The following WWOX variants were observed in gnomAD, a reference collection of about 807,000 sequenced individuals.
The protein encoded by WWOX is WW domain containing oxidoreductase, also known as WW domain-containing oxidoreductase.
WWOX carries 69 observed loss-of-function variants against 46.2 expected under a neutral mutation model. That is an observed-to-expected ratio of 1.49 (90% CI 1.23 to 1.82). WWOX has a LOEUF of 1.82. Ranked by LOEUF, WWOX falls within the 40% of genes most tolerant of loss-of-function variation. The pLI, the probability that WWOX is intolerant of heterozygous loss-of-function variation, is 0.00. For synonymous variants in WWOX, 359 were observed against 202.6 expected, an observed-to-expected ratio of 1.77 and a Z score of -6.56; for missense variants, 919 against 542.6, an observed-to-expected ratio of 1.69 and a Z score of -6.89.
chr16:78,135,195 C>G (rs147248707), intron 4 of WWOX, among the ~76,000 whole-genome samples: 2 of 152,218 alleles, frequency 1.3e-5, no homozygotes, highest in African/African-American at 4.8e-5. Flanking sequence ...CGTGCAACAA[C>G]TCAAGAGTCG....
At chr16:78,162,103 C>G (rs1466446244) in intron 4 of WWOX, among the ~76,000 whole-genome samples, 1 of 152,178 alleles carries the variant, frequency 6.6e-6, no homozygotes, top group East Asian at 1.9e-4. Context: ...TTTAGTGTTT[C>G]CTCTAGTGTG....
chr16:78,312,198 C>G (rs1370959128), intron 5 of WWOX, among the ~76,000 whole-genome samples: 2 of 152,118 alleles, frequency 1.3e-5, no homozygotes, highest in African/African-American at 4.8e-5. Flanking sequence ...AAACCTAATT[C>G]TATCTGCAAC....
chr16:79,170,330 G>T (rs536713357), intron 8 of WWOX, among the ~76,000 whole-genome samples: 13 of 152,284 alleles, frequency 8.5e-5, no homozygotes, highest in African/African-American at 2.4e-4. Flanking sequence ...TCTATGCAAG[G>T]TCCCCCAGCT....
intron 8 of WWOX, among the ~76,000 whole-genome samples, chr16:78,845,372 A>T (rs1597711467): frequency 1.3e-5 from 2 of 152,182 alleles, no homozygotes; most frequent in Admixed American, 1.3e-4. Flanking sequence ...GGCCATTCTG[A>T]CATGAATATC....
intron 4 of WWOX, 113 bp downstream of exon 4, chr16:78,115,267 C>A: frequency 1.6e-6 from 2 of 1,280,632 alleles, no homozygotes; most frequent in Non-Finnish European, 2.2e-6. Context: ...TGACTTTTAT[C>A]CTTTTCAGAT....
chr16:78,421,157 A>C (rs1163847875), intron 6 of WWOX, among the ~76,000 whole-genome samples: 2 of 152,190 alleles, frequency 1.3e-5, no homozygotes, highest in African/African-American at 4.8e-5. Flanking sequence ...TTCTAAAGCT[A>C]TTATAACAAA....
At chr16:78,589,178 GTGT>G (rs1356219106) in intron 8 of WWOX, among the ~76,000 whole-genome samples, 7 of 152,212 alleles carry the variant, frequency 4.6e-5, no homozygotes, top group African/African-American at 1.7e-4. Flanking sequence ...AGCATATGGA[GTGT>G]TGTTTGTTAT....
chr16:78,288,852 T>C (rs953351764), intron 5 of WWOX, among the ~76,000 whole-genome samples: 1 of 152,154 alleles, frequency 6.6e-6, no homozygotes, highest in African/African-American at 2.4e-5. Flanking sequence ...CTAGATTTTT[T>C]AAGTGGAAAA....
chr16:78,261,081 G>A (rs1032297651), intron 5 of WWOX, among the ~76,000 whole-genome samples: 2 of 150,724 alleles, frequency 1.3e-5, no homozygotes, highest in African/African-American at 4.9e-5. Flanking sequence ...ATTGATATTC[G>A]AAGTTTTTTT....
At chr16:78,648,171 G>C (rs1308402140) in intron 8 of WWOX, among the ~76,000 whole-genome samples, 1 of 152,124 alleles carries the variant, frequency 6.6e-6, no homozygotes, top group Admixed American at 6.5e-5. Context: ...GGAGTTGAAT[G>C]AAAAACGGCT....
At chr16:78,361,664 T>G (rs1264088730) in intron 5 of WWOX, among the ~76,000 whole-genome samples, 2 of 152,048 alleles carry the variant, frequency 1.3e-5, no homozygotes, top group African/African-American at 4.8e-5. Flanking sequence ...CAGGCTGGAG[T>G]GTAATGGTGC....
intron 5 of WWOX, among the ~76,000 whole-genome samples, chr16:78,209,461 G>C (rs981070965): frequency 6.6e-6 from 1 of 152,298 alleles, no homozygotes; most frequent in African/African-American, 2.4e-5. Flanking sequence ...TTATGAATAT[G>C]TTTCAATATA....
chr16:78,687,335 A>T (rs1022988663), intron 8 of WWOX, among the ~76,000 whole-genome samples: 1 of 152,212 alleles, frequency 6.6e-6, no homozygotes, highest in African/African-American at 2.4e-5. Flanking sequence ...AGATTAAAGC[A>T]TTGTACCTAT....
chr16:78,650,114 A>C (rs1390760176), intron 8 of WWOX, among the ~76,000 whole-genome samples: 1 of 152,250 alleles, frequency 6.6e-6, no homozygotes, highest in African/African-American at 2.4e-5. Flanking sequence ...GAAGGAGGGA[A>C]GAAAAGGGAG....
chr16:78,245,235 A>G (rs909015789), intron 5 of WWOX, among the ~76,000 whole-genome samples: 1 of 152,222 alleles, frequency 6.6e-6, no homozygotes, highest in South Asian at 2.1e-4. Context: ...GAATGGGGAC[A>G]TGTTAGTAAA....
chr16:78,548,534 C>T (rs993368575), intron 8 of WWOX, among the ~76,000 whole-genome samples: 2 of 152,168 alleles, frequency 1.3e-5, no homozygotes, highest in East Asian at 3.8e-4. Flanking sequence ...CAGTACATCA[C>T]TGCCTCATTG....
intron 8 of WWOX, among the ~76,000 whole-genome samples, chr16:78,930,881 G>A (rs2045610006): frequency 6.6e-6 from 1 of 152,138 alleles, no homozygotes; most frequent in Admixed American, 6.5e-5. Context: ...ACAGTTAAAT[G>A]TAACATGGGC....
intron 5 of WWOX, among the ~76,000 whole-genome samples, chr16:78,218,137 C>T (rs2036781978): frequency 6.6e-6 from 1 of 152,102 alleles, no homozygotes; most frequent in African/African-American, 2.4e-5. Flanking sequence ...TCACTGCAGC[C>T]TGTAACTCCC....
chr16:78,848,940 A>T (rs1021323501), intron 8 of WWOX, among the ~76,000 whole-genome samples: 2 of 151,986 alleles, frequency 1.3e-5, no homozygotes, highest in Admixed American at 6.5e-5. Flanking sequence ...GGTTGTGATC[A>T]TATTTCTATT....
Sources: allele counts gnomAD v4.1 joint callset (sites outside exome capture counted in the v4.1 genomes callset), GRCh38; gene constraint gnomAD v4.1.1; transcripts MANE v1.5; gene names NCBI Gene and HGNC (gene_info 2026-07-23, HGNC 2026-07-21).